Variants in FNDC3B observed in about 807,000 individuals in gnomAD.
The protein encoded by FNDC3B is fibronectin type III domain-containing protein 3B.
In FNDC3B, 12 loss-of-function variants were observed where a neutral mutation model predicts 151.5. The observed-to-expected ratio is 0.08, with a 90% CI of 0.05 to 0.13. The LOEUF is 0.13. Ranked by LOEUF, FNDC3B falls within the 10% of genes least tolerant of loss-of-function variation. The pLI is 1.00. For missense variants in FNDC3B, 1,214 were observed against 1,505.3 expected, an observed-to-expected ratio of 0.81 and a Z score of 3.20; for synonymous variants, 528 against 549.0, an observed-to-expected ratio of 0.96 and a Z score of 0.54.
chr3:172,222,815 G>T (rs1471314752), intron 3 of FNDC3B, among the ~76,000 whole-genome samples: 1 of 152,178 alleles, frequency 6.6e-6, no homozygotes, highest in Non-Finnish European at 1.5e-5. Context: ...GGGATTGGGC[G>T]CCCCTGCTCT....
At chr3:172,249,685 A>G (rs377265307) in intron 5 of FNDC3B, among the ~76,000 whole-genome samples, 15 of 152,212 alleles carry the variant, frequency 9.9e-5, no homozygotes, top group South Asian at 4.1e-4. Flanking sequence ...AACATTTACT[A>G]TCCTTCTGGT....
At chr3:172,300,464 A>AT (rs35029681) in intron 9 of FNDC3B, among the ~76,000 whole-genome samples, 77,791 of 150,860 alleles carry the variant, frequency 0.52, 20,859 homozygotes, top group African/African-American at 0.67. Context: ...TGTTCCATTT[A>AT]TTTTTTTTTT....
At chr3:172,238,112 G>T (rs1173553627) in intron 4 of FNDC3B, among the ~76,000 whole-genome samples, 2 of 152,156 alleles carry the variant, frequency 1.3e-5, no homozygotes, top group African/African-American at 4.8e-5. Context: ...TTAATCTTTA[G>T]ATTTGAAAAC....
At chr3:172,390,972 G>T (rs1467666402) in intron 25 of FNDC3B, among the ~76,000 whole-genome samples, 4 of 152,160 alleles carry the variant, frequency 2.6e-5, no homozygotes, top group Non-Finnish European at 5.9e-5. Context: ...ATAGTCAGAG[G>T]CCGTGAAACC....
intron 9 of FNDC3B, among the ~76,000 whole-genome samples, chr3:172,300,425 G>C (rs967191055): frequency 6.6e-6 from 1 of 151,928 alleles, no homozygotes; most frequent in Non-Finnish European, 1.5e-5. Context: ...GTTATGAAGA[G>C]TCTTCTCTTT....
chr3:172,225,031 A>G (rs986938280), intron 3 of FNDC3B, among the ~76,000 whole-genome samples: 1 of 152,236 alleles, frequency 6.6e-6, no homozygotes, highest in Non-Finnish European at 1.5e-5. Flanking sequence ...TTGTAATTAA[A>G]TATTAACTCA....
chr3:172,356,154 T>G (rs1026230575), intron 22 of FNDC3B, among the ~76,000 whole-genome samples: 7 of 152,212 alleles, frequency 4.6e-5, no homozygotes, highest in Non-Finnish European at 7.3e-5. Flanking sequence ...GAATCATAAA[T>G]CATTTTGTCA....
chr3:172,045,434 G>T (rs1490643478), intron 1 of FNDC3B, among the ~76,000 whole-genome samples: 1 of 152,122 alleles, frequency 6.6e-6, no homozygotes, highest in African/African-American at 2.4e-5. Flanking sequence ...GGGAAAAAGT[G>T]CAGTCTCTTA....
At chr3:172,074,698 C>T (rs146239458) in intron 1 of FNDC3B, among the ~76,000 whole-genome samples, 127 of 152,270 alleles carry the variant, frequency 8.3e-4, no homozygotes, top group African/African-American at 2.6e-3. Context: ...TTGAGACACA[C>T]GGAAAGGAAG....
chr3:172,343,255 T>G, intron 18 of FNDC3B, 139 bp downstream of exon 18: 1 of 598,362 alleles, frequency 1.7e-6, no homozygotes. Flanking sequence ...ATATTCTTCT[T>G]GAAGTATGTT....
intron 3 of FNDC3B, among the ~76,000 whole-genome samples, chr3:172,145,807 CTTTCT>C (rs1386436774): frequency 7.8e-6 from 1 of 128,870 alleles, no homozygotes; most frequent in East Asian, 2.3e-4. Context: ...AAATAGGTTT[CTTTCT>C]TTTTTTTTTT....
chr3:172,042,771 C>T (rs1428156194), intron 1 of FNDC3B, among the ~76,000 whole-genome samples: 1 of 151,878 alleles, frequency 6.6e-6, no homozygotes, highest in Non-Finnish European at 1.5e-5. Flanking sequence ...ATAGCAGCCA[C>T]AAGCCACATG....
At chr3:172,396,837 G>T (rs936058159) in intron 25 of FNDC3B, among the ~76,000 whole-genome samples, 39 of 152,334 alleles carry the variant, frequency 2.6e-4, no homozygotes, top group African/African-American at 8.9e-4. Context: ...GTGCCCAAAA[G>T]GTTGGGGACC....
Position 172,278,840 on chromosome 3 carries a change from T to C in FNDC3B, c.791-7086T>C, listed in dbSNP as rs574591079. 1.2e-3 allele frequency among the ~76,000 whole-genome samples: 189 copies of C among 151,890 alleles called. 1 individual carries two copies. The highest frequency in any genetic ancestry group is 1.8e-3 in the Non-Finnish European group (120 of 67,948). On this transcript the variant is annotated intron_variant, in intron 6 of 25. Coordinates refer to ENST00000415807, the MANE Select transcript of FNDC3B (RefSeq NM_022763.4). ...TACTCAGGGGGCTGAGGCAGAAAAA[T>C]CGCTTGAACCCAGGAGGCAGAGGTT... is the stretch of plus-strand genomic sequence containing the variant.
intron 23 of FNDC3B, among the ~76,000 whole-genome samples, chr3:172,376,591 G>A (rs2108364888): frequency 6.6e-6 from 1 of 152,296 alleles, no homozygotes; most frequent in South Asian, 2.1e-4. Flanking sequence ...TCTGGCATTA[G>A]CAAGGATGTC....
intron 1 of FNDC3B, among the ~76,000 whole-genome samples, chr3:172,107,236 G>C (rs1376320447): frequency 6.6e-6 from 1 of 152,110 alleles, no homozygotes; most frequent in Non-Finnish European, 1.5e-5. Context: ...GCCTGTGGTT[G>C]TTACCAAATT....
At chr3:172,244,184 G>A (rs938931362) in intron 4 of FNDC3B, among the ~76,000 whole-genome samples, 2 of 152,092 alleles carry the variant, frequency 1.3e-5, no homozygotes, top group East Asian at 3.9e-4. Context: ...TATGTGTCAG[G>A]AAATAATAGT....
intron 11 of FNDC3B, among the ~76,000 whole-genome samples, chr3:172,324,629 G>T (rs758707212): frequency 6.6e-6 from 1 of 152,178 alleles, no homozygotes; most frequent in Non-Finnish European, 1.5e-5. Flanking sequence ...ATTTGGGCAT[G>T]CCCAAGGTTG....
chr3:172,095,934 C>A (rs2108516614), intron 1 of FNDC3B, among the ~76,000 whole-genome samples: 1 of 152,312 alleles, frequency 6.6e-6, no homozygotes, highest in South Asian at 2.1e-4. Flanking sequence ...ATTTCTACAG[C>A]ATTTAAAATT....
Sources: gnomAD v4.1 joint callset for allele counts (sites outside exome capture counted in the v4.1 genomes callset) on GRCh38, gnomAD v4.1.1 for gene constraint, MANE v1.5 for transcripts, NCBI Gene and HGNC (gene_info 2026-07-23, HGNC 2026-07-21) for gene names.